The following CRYBG3 variants were observed in gnomAD, a reference collection of about 807,000 sequenced individuals.
CRYBG3 encodes crystallin beta-gamma domain containing 3.
In CRYBG3, 127 loss-of-function variants were observed where a neutral mutation model predicts 244.2. The observed-to-expected ratio is 0.52, with a 90% CI of 0.45 to 0.60. The LOEUF (loss-of-function observed/expected upper bound fraction) is 0.60, where lower values mean the gene tolerates loss of function less well. CRYBG3 is among the 20% of genes least tolerant of loss of function. CRYBG3 has a pLI of 0.00. For synonymous variants in CRYBG3, 1,132 were observed against 1,195.8 expected, an observed-to-expected ratio of 0.95 and a Z score of 1.10; for missense variants, 3,325 against 3,442.5, an observed-to-expected ratio of 0.97 and a Z score of 0.85.
Position 97,886,662 on chromosome 3 carries a change from C to T in CRYBG3, c.7184C>T (p.Pro2395Leu), listed in dbSNP as rs766586689. ...AGCATTCCAGAAATAGAGCTTTTCC[C>T]ACAATCTGACCCAGCCTGTTGTCCT... Reference protein sequence around the residue: ...DCSIPEIELFPQSDPACCPVY... With the variant: ...DCSIPEIELFLQSDPACCPVY... Residue 2395 changes from proline to leucine, a missense_variant, in exon 8 of 22, where the codon CCA becomes CTA. By Grantham distance (98) the Pro-to-Leu change is moderately conservative (BLOSUM62 -3). Transcript: ENST00000389622. The T allele has an allele frequency of 3.7e-6, 6 of 1,605,134 alleles. No homozygotes were observed. The highest frequency in any genetic ancestry group is 1.7e-4 in the Middle Eastern group (1 of 5,976).
intron 1 of CRYBG3, among the ~76,000 whole-genome samples, chr3:97,838,433 A>G (rs2038765737): frequency 6.6e-6 from 1 of 152,130 alleles, no homozygotes; most frequent in African/African-American, 2.4e-5. Flanking sequence ...CACCTGCATT[A>G]GAACAATCTG....
rs2039316899 is a variant in CRYBG3 at position 97,872,487 on chromosome 3, C to A, written c.1293C>A (p.Gly431=). The A allele has an allele frequency of 6.5e-7, 1 of 1,535,806 alleles. No homozygotes were observed. Among genetic ancestry groups the A allele is most frequent in the South Asian group, 1.2e-5 (1 of 84,058 alleles). The change falls in exon 4 of 22, where the codon GGC becomes GGA. Residue 431 remains glycine (G), a synonymous_variant. Coordinates refer to ENST00000389622, the MANE Select transcript of CRYBG3 (RefSeq NM_153605.4). ...GAGAGGAGCTTGTTGAGCCTCAGGG[C>A]CCTGCTATTTCTGATTTCTCTTGTA... ...VQREELVEPQ[G]PAISDFSCSK... is the part of the protein sequence containing the mutation.
chr3:97,847,876 A>G (rs897608442), intron 2 of CRYBG3, among the ~76,000 whole-genome samples: 4 of 152,238 alleles, frequency 2.6e-5, no homozygotes, highest in East Asian at 1.9e-4. Context: ...GTATTAACTT[A>G]CTGCATATCA....
intron 2 of CRYBG3, among the ~76,000 whole-genome samples, chr3:97,851,081 C>T (rs112201249): frequency 1.6e-4 from 24 of 147,006 alleles, no homozygotes; most frequent in Admixed American, 2.1e-4. Context: ...TTTGGTGAGC[C>T]GAGATTGCAC....
rs699303 is a variant in CRYBG3 at position 97,933,372 on chromosome 3, A to C, written c.8242-322A>C. The C allele has an allele frequency of 2.1e-3, 804 of 380,440 alleles. 4 individuals carry two copies. In the East Asian group the frequency reaches 0.025, roughly 12 times the overall value. 23.6% of individuals were successfully genotyped at this position (380,440 alleles called of 1,614,324 possible). On this transcript the variant is annotated intron_variant, in intron 17 of 21. Coordinates refer to ENST00000389622, the MANE Select transcript of CRYBG3 (RefSeq NM_153605.4). The stretch of plus-strand genomic sequence containing the variant: ...TCTGTTGCCAGCTAAAAGCATTGGC[A>C]GGACTAATTATGGTCCATATTACAG...
At chr3:97,848,692 C>T (rs1413007063) in intron 2 of CRYBG3, among the ~76,000 whole-genome samples, 1 of 152,198 alleles carries the variant, frequency 6.6e-6, no homozygotes, top group African/African-American at 2.4e-5. Context: ...TCCTGAGTAG[C>T]TGGGACTACA....
At chr3:97,910,251 C>G (rs1363103947) in intron 15 of CRYBG3, among the ~76,000 whole-genome samples, 1 of 152,096 alleles carries the variant, frequency 6.6e-6, no homozygotes, top group African/African-American at 2.4e-5. Flanking sequence ...GCAGGCAGGC[C>G]TCCTTGAGCT....
chr3:97,900,272 C>T (rs1280229413), intron 14 of CRYBG3, among the ~76,000 whole-genome samples, 181 bp from the exon 15 acceptor site: 1 of 152,026 alleles, frequency 6.6e-6, no homozygotes, highest in Non-Finnish European at 1.5e-5. Flanking sequence ...CGCTTGAGCC[C>T]TGAAGATCAA....
intron 19 of CRYBG3, among the ~76,000 whole-genome samples, chr3:97,940,173 T>C (rs760077275): frequency 3.3e-5 from 5 of 152,026 alleles, no homozygotes; most frequent in Non-Finnish European, 5.9e-5. Flanking sequence ...GCCTAAGTCA[T>C]AGGGCTGAAA....
chr3:97,915,787 T>C, intron 17 of CRYBG3, 51 bp downstream of exon 17: 1 of 1,398,986 alleles, frequency 7.1e-7, no homozygotes, highest in Non-Finnish European at 9.9e-7. Context: ...CTTGTCCAGT[T>C]TAATTACCAC....
At chr3:97,901,986 C>G (rs2039711132) in intron 15 of CRYBG3, among the ~76,000 whole-genome samples, 1 of 152,138 alleles carries the variant, frequency 6.6e-6, no homozygotes, top group Non-Finnish European at 1.5e-5. Context: ...TCTTGCTTTA[C>G]CCAGTATCAA....
intron 7 of CRYBG3, among the ~76,000 whole-genome samples, chr3:97,884,514 A>G (rs2039485827): frequency 1.3e-5 from 2 of 152,310 alleles, no homozygotes; most frequent in African/African-American, 2.4e-5. Flanking sequence ...ACTAATTGCC[A>G]TAATAGTATA....
chr3:97,831,210 A>G (rs1261020594), intron 1 of CRYBG3, among the ~76,000 whole-genome samples: 3 of 152,218 alleles, frequency 2.0e-5, no homozygotes, highest in Non-Finnish European at 4.4e-5. Flanking sequence ...CTTGAAGAAC[A>G]TAACAAAGGC....
Position 97,877,946 on chromosome 3 carries a change from A to C in CRYBG3, c.6752A>C (p.Lys2251Thr), listed in dbSNP as rs2039401097. 6.2e-7 allele frequency: 1 copy of C among 1,614,040 alleles called. No individual in the cohort carries two copies. The highest frequency in any genetic ancestry group is 1.3e-5 in the African/African-American group (1 of 74,918). ...ACTTCCCAAAGTCATTCCTCAGAAA[A>C]AGGAGCCAGATTTGGTGGAATTTTT... ...LQTSQSHSSE[K>T]GARFGGIFQE... is the part of the protein sequence containing the mutation. The change falls in exon 4 of 22, where the codon AAA (lysine) becomes ACA (threonine). Residue 2251 changes from lysine to threonine, a missense_variant. Transcript: ENST00000389622.
At chr3:97,868,912 T>C (rs529966468) in intron 3 of CRYBG3, among the ~76,000 whole-genome samples, 2 of 152,150 alleles carry the variant, frequency 1.3e-5, no homozygotes, top group Non-Finnish European at 2.9e-5. Flanking sequence ...CATTTCTTGG[T>C]ATTGATTTCT....
chr3:97,889,910 G>T (rs1282465741), intron 10 of CRYBG3, among the ~76,000 whole-genome samples: 1 of 152,118 alleles, frequency 6.6e-6, no homozygotes, highest in Non-Finnish European at 1.5e-5. Flanking sequence ...GGAAAGAAAG[G>T]AGGAAACAGA....
chr3:97,843,591 T>C (rs2038854190), intron 2 of CRYBG3, among the ~76,000 whole-genome samples: 1 of 152,196 alleles, frequency 6.6e-6, no homozygotes, highest in South Asian at 2.1e-4. Context: ...GGTCTCTTTT[T>C]CCTAGGAAGT....
intron 2 of CRYBG3, among the ~76,000 whole-genome samples, chr3:97,861,882 T>C (rs1213917568): frequency 2.0e-5 from 3 of 152,178 alleles, no homozygotes; most frequent in Admixed American, 2.0e-4. Context: ...TGAATAGCAG[T>C]GTATTTTTCC....
At chr3:97,839,555 A>T (rs1324414491) in intron 1 of CRYBG3, among the ~76,000 whole-genome samples, 1 of 152,084 alleles carries the variant, frequency 6.6e-6, no homozygotes, top group East Asian at 1.9e-4. Context: ...GCTCCTCCTT[A>T]AGAAAAAAAG....
Sources: gnomAD v4.1 joint callset for allele counts (sites outside exome capture counted in the v4.1 genomes callset) on GRCh38, gnomAD v4.1.1 for gene constraint, MANE v1.5 for transcripts, NCBI Gene and HGNC (gene_info 2026-07-23, HGNC 2026-07-21) for gene names.